The following PANK4 variants were observed in gnomAD, a reference collection of about 807,000 sequenced individuals.
The protein encoded by PANK4 is 4'-phosphopantetheine phosphatase.
In PANK4, 40 loss-of-function variants were observed where a neutral mutation model predicts 87.9. That is an observed-to-expected ratio of 0.46 (90% CI 0.35 to 0.59). The LOEUF (loss-of-function observed/expected upper bound fraction) is 0.59. PANK4 is among the 20% of genes least tolerant of loss of function. The pLI is 0.00. For synonymous variants in PANK4, 524 were observed against 467.4 expected, an observed-to-expected ratio of 1.12 and a Z score of -1.56; for missense variants, 926 against 1,072.3, an observed-to-expected ratio of 0.86 and a Z score of 1.90.
intron 9 of PANK4, among the ~76,000 whole-genome samples, chr1:2,517,648 G>A (rs1046688534): frequency 2.6e-5 from 4 of 152,210 alleles, no homozygotes; most frequent in Non-Finnish European, 2.9e-5. Flanking sequence ...CTCCTAGCCC[G>A]CCAGTGCCAC....
chr1:2,525,566 T>C (rs1643914247), intron 1 of PANK4: 1 of 152,214 alleles, frequency 6.6e-6, no homozygotes, highest in Non-Finnish European at 1.5e-5. Context: ...GTTCTGCCAC[T>C]TTCTAGCCCG....
Position 2,513,094 on chromosome 1 carries a change from T to C in PANK4, c.1576-55A>G, listed in dbSNP as rs1405129886. On this transcript the variant is annotated intron_variant, in intron 12 of 18. Coordinates refer to ENST00000378466, the MANE Select transcript of PANK4 (RefSeq NM_018216.4). ...GTGAAGACGTGGCCTCAGCCCACCC[T>C]GGACACCTGCCAGGCGCAGCCTGTT... 8 of 1,530,252 alleles carry C rather than the reference T, an allele frequency of 5.2e-6. No homozygotes were observed. In the African/African-American group the frequency reaches 5.5e-5, roughly 11 times the overall value. 94.8% of individuals were successfully genotyped at this position (1,530,252 alleles called of 1,614,324 possible). A position where few individuals can be genotyped will look rare whatever the true frequency, so the allele number is the denominator to read the frequency against.
intron 2 of PANK4, 157 bp from the exon 3 acceptor site, chr1:2,521,472 G>A: frequency 4.1e-6 from 3 of 730,266 alleles, no homozygotes; most frequent in South Asian, 3.2e-5. Context: ...GCCTAGGACC[G>A]TGGCGACCTC....
At chr1:2,517,184 C>T (rs1327094688) in intron 9 of PANK4, among the ~76,000 whole-genome samples, 1 of 152,216 alleles carries the variant, frequency 6.6e-6, no homozygotes, top group African/African-American at 2.4e-5. Context: ...CCCCCAGAGC[C>T]TCGCCCCCAC....
At chr1:2,518,782 G>A (rs1051902548) in intron 7 of PANK4, among the ~76,000 whole-genome samples, 185 bp from the exon 8 acceptor site, 1 of 152,258 alleles carries the variant, frequency 6.6e-6, no homozygotes, top group Non-Finnish European at 1.5e-5. Context: ...GCTGTTTGAA[G>A]AAAGCTAAGG....
chr1:2,512,255 G>T (rs973830628), intron 13 of PANK4, among the ~76,000 whole-genome samples: 4 of 152,180 alleles, frequency 2.6e-5, no homozygotes, highest in Non-Finnish European at 5.9e-5. Context: ...GTTGGAGGCG[G>T]CGTTCTCATC....
chr1:2,517,268 T>C (rs972714310), intron 9 of PANK4, among the ~76,000 whole-genome samples: 6 of 152,200 alleles, frequency 3.9e-5, no homozygotes, highest in Non-Finnish European at 8.8e-5. Flanking sequence ...TGCGAGGCCG[T>C]GGCCTGGTGT....
chr1:2,518,311 T>G, intron 8 of PANK4, 47 bp from the exon 9 acceptor site: 1 of 1,369,660 alleles, frequency 7.3e-7, no homozygotes, highest in Non-Finnish European at 1.0e-6. Context: ...TGCCCTTGAT[T>G]CAAAAGCAGG....
intron 2 of PANK4, 23 bp downstream of exon 2, chr1:2,521,695 G>A (rs1173245229): frequency 5.7e-6 from 9 of 1,591,478 alleles, no homozygotes; most frequent in Admixed American, 5.0e-5. Context: ...GCCCTGCCCC[G>A]GGTGGCCACA....
At chr1:2,518,014 G>C in intron 9 of PANK4, 150 bp downstream of exon 9, 1 of 541,320 alleles carries the variant, frequency 1.8e-6, no homozygotes, top group Non-Finnish European at 3.2e-6. Flanking sequence ...CTTGCCCCTA[G>C]TTATACCCCA....
In PANK4 at chr1:2,514,024, T is replaced by C. The variant is rs777662814; in HGVS notation, c.1553A>G (p.Asn518Ser). The change falls in exon 12 of 19, where the codon AAC becomes AGC. Residue 518 changes from asparagine (N) to serine (S), a missense_variant. By Grantham distance (46) the Asn-to-Ser change is conservative. Transcript: ENST00000378466. ...TACTTTGGAGTAGGGATCCGGGAAG[T>C]TGAACTCGTTCAGACAGTGCTCCCT... Reference protein sequence around the residue: ...DTREHCLNEFNFPDPYSKVKQ... With the variant: ...DTREHCLNEFSFPDPYSKVKQ... 3.7e-6 allele frequency: 6 copies of C among 1,612,636 alleles called. No homozygotes were observed. The highest frequency in any genetic ancestry group is 5.1e-6 in the Non-Finnish European group (6 of 1,179,712).
chr1:2,512,726 G>C (rs756778941), intron 13 of PANK4, 162 bp downstream of exon 13: 2 of 692,164 alleles, frequency 2.9e-6, no homozygotes, highest in Non-Finnish European at 5.0e-6. Context: ...AGCCCCTGGC[G>C]CTGCTGCCAT....
chr1:2,526,534 C>G lies in PANK4; in HGVS notation c.54G>C (p.Lys18Asn), dbSNP rs1260933594. 6.3e-7 allele frequency: 1 copy of G among 1,595,196 alleles called. No individual in the cohort carries two copies. Among genetic ancestry groups the G allele is most frequent in the Non-Finnish European group, 8.5e-7 (1 of 1,172,096 alleles). ...GSGSSGDSLD[K>N]SITLPPDEIF... The stretch of plus-strand genomic sequence containing the variant: ...TCTCGTCGGGGGGCAGCGTGATGCT[C>G]TTGTCCAGACTGTCCCCGCTGCTCC... The change falls in exon 1 of 19, where the codon AAG (lysine) becomes AAC (asparagine). Residue 18 changes from lysine to asparagine, a missense_variant. Coordinates refer to ENST00000378466, the MANE Select transcript of PANK4 (RefSeq NM_018216.4).
Position 2,510,728 on chromosome 1 carries a change from T to C in PANK4, c.1888A>G (p.Ile630Val). Residue 630 changes from isoleucine (I) to valine (V), a missense_variant, in exon 16 of 19, where the codon ATT becomes GTT. Transcript: ENST00000378466. The surrounding 1 kb of genome is among the most constrained non-coding windows in gnomAD (Gnocchi z 4.9). ...CTGACAAAGGGGAAGACTCCCAAAATGATGTCTATTCCACTGTTATCTGCG... is the reference window on the plus strand; with the variant it reads ...CTGACAAAGGGGAAGACTCCCAAAACGATGTCTATTCCACTGTTATCTGCG... ...IFADNSGIDI[I>V]LGVFPFVREL... 6.2e-7 allele frequency: 1 copy of C among 1,612,476 alleles called. No homozygotes were observed. Among genetic ancestry groups the C allele is most frequent in the Non-Finnish European group, 8.5e-7 (1 of 1,179,324 alleles).
Position 2,515,518 on chromosome 1 carries a change from G to A in PANK4, c.1374+44C>T, listed in dbSNP as rs370427645. The A allele has an allele frequency of 4.3e-5, 69 of 1,603,460 alleles. No individual in the cohort carries two copies. The highest frequency in any genetic ancestry group is 5.3e-5 in the Non-Finnish European group (62 of 1,172,252). On this transcript the variant is annotated intron_variant, in intron 10 of 18. Transcript: ENST00000378466. The surrounding 1 kb of genome is among the most constrained non-coding windows in gnomAD (Gnocchi z 5.0). ...CCCCGGAGCCTTGGAAGGTTAACCCGGCTGCGGCCTTGGAATCGTCTAGAC... is the reference window on the plus strand; with the variant it reads ...CCCCGGAGCCTTGGAAGGTTAACCCAGCTGCGGCCTTGGAATCGTCTAGAC...
Position 2,515,075 on chromosome 1 carries a change from G to A in PANK4, c.1374+487C>T, listed in dbSNP as rs1643743611. On this transcript the variant is annotated intron_variant, in intron 10 of 18. Transcript: ENST00000378466. The surrounding 1 kb of genome is among the most constrained non-coding windows in gnomAD (Gnocchi z 5.0). The stretch of plus-strand genomic sequence containing the variant: ...GTTGCTACCGGGGCTCCCTGGCCCC[G>A]AGCTGAGCTCCTGAGGGGCAGCGTG... Among the ~76,000 whole-genome samples the A allele has an allele frequency of 6.6e-6, 1 of 152,144 alleles. No homozygotes were observed.
Position 2,520,505 on chromosome 1 carries a change from ACCCCGC to A in PANK4, c.607-97_607-92del. 5 of 739,320 alleles carry A rather than the reference ACCCCGC, an allele frequency of 6.8e-6. No individual in the cohort carries two copies. The South Asian group carries it at 7.4e-5, about 11-fold the overall frequency. 45.8% of individuals were successfully genotyped at this position (739,320 alleles called of 1,614,324 possible). ...CGCCCCATGTGCTGCGCTGGGGTGA[ACCCCGC>A]CCCCACCCCAACCGCCAGTGGGAGG... is the stretch of plus-strand genomic sequence containing the variant. On this transcript the variant is annotated intron_variant, in intron 4 of 18. Transcript: ENST00000378466. The surrounding 1 kb of genome is among the most constrained non-coding windows in gnomAD (Gnocchi z 6.2).
At position 2,515,786 on chromosome 1, in the gene PANK4, G is replaced by A; in HGVS notation, c.1219-69C>T. On this transcript the variant is annotated intron_variant, in intron 9 of 18. Transcript: ENST00000378466. The surrounding 1 kb of genome is among the most constrained non-coding windows in gnomAD (Gnocchi z 5.0). Reference sequence around the variant, plus strand: ...AGAACGACCCAAGCCACACTCAGAAGCTTCCACTCTCTCTCTAAGAAGGGA... The same window carrying A: ...AGAACGACCCAAGCCACACTCAGAAACTTCCACTCTCTCTCTAAGAAGGGA... 5 of 1,415,392 alleles carry A rather than the reference G, an allele frequency of 3.5e-6. No homozygotes were observed. Among genetic ancestry groups the A allele is most frequent in the South Asian group, 2.4e-5 (2 of 81,944 alleles). 87.7% of individuals were successfully genotyped at this position (1,415,392 alleles called of 1,614,324 possible). A position where few individuals can be genotyped will look rare whatever the true frequency, so the allele number is the denominator to read the frequency against.
intron 7 of PANK4, among the ~76,000 whole-genome samples, chr1:2,518,841 C>T (rs1466003314): frequency 3.9e-5 from 6 of 152,254 alleles, no homozygotes; most frequent in South Asian, 2.1e-4. Context: ...CAAGTCTCTG[C>T]GTCAGGCATG....
Sources: allele counts gnomAD v4.1 joint callset (sites outside exome capture counted in the v4.1 genomes callset), GRCh38; gene constraint gnomAD v4.1.1; non-coding constraint Gnocchi (gnomAD v3.1); transcripts MANE v1.5; gene names NCBI Gene and HGNC (gene_info 2026-07-23, HGNC 2026-07-21).